The following DRC11 variants were observed in gnomAD, a reference collection of about 807,000 sequenced individuals.
DRC11 encodes IQ and AAA domain-containing protein 1.
the DRC11 span, among the ~76,000 whole-genome samples, chr2:236,486,490 A>T: frequency 2.6e-5 from 4 of 152,118 alleles, no homozygotes; most frequent in Non-Finnish European, 5.9e-5. The surrounding 1 kb of genome is among the most constrained non-coding windows in gnomAD (Gnocchi z 5.7). Context: ...GAAAAAAAAA[A>T]AAGCCAGCTG....
chr2:236,374,721 G>A, the DRC11 span, among the ~76,000 whole-genome samples: 11 of 151,918 alleles, frequency 7.2e-5, no homozygotes, highest in East Asian at 1.4e-3. Flanking sequence ...ATGGTGTTTC[G>A]CTCTTGTTGC....
At chr2:236,501,984 C>A in the DRC11 span, among the ~76,000 whole-genome samples, 1 of 152,078 alleles carries the variant, frequency 6.6e-6, no homozygotes, top group African/African-American at 2.4e-5. Context: ...CCAGCAAAAC[C>A]CCAGCTTGTT....
At chr2:236,350,508 C>T in the DRC11 span, among the ~76,000 whole-genome samples, 12 of 152,218 alleles carry the variant, frequency 7.9e-5, no homozygotes, top group South Asian at 2.1e-4. The surrounding 1 kb of genome is among the most constrained non-coding windows in gnomAD (Gnocchi z 5.2). Context: ...GCATCCTCAC[C>T]GGACACATGC....
the DRC11 span, among the ~76,000 whole-genome samples, chr2:236,426,646 A>G: frequency 1.7e-3 from 259 of 152,270 alleles, 12 homozygotes; most frequent in South Asian, 0.047. This position sits in a 1 kb window ranked among gnomAD's most constrained non-coding sequence, Gnocchi z 4.1. Flanking sequence ...TGCTAAAGTG[A>G]TCCTCCCACT....
At chr2:236,384,126 C>T in the DRC11 span, among the ~76,000 whole-genome samples, 4 of 151,172 alleles carry the variant, frequency 2.6e-5, no homozygotes, top group Middle Eastern at 3.5e-3. Context: ...AATAAACATA[C>T]GTGTGCATGT....
At chr2:236,472,910 G>C in the DRC11 span, among the ~76,000 whole-genome samples, 1 of 152,128 alleles carries the variant, frequency 6.6e-6, no homozygotes, top group Non-Finnish European at 1.5e-5. The surrounding 1 kb of genome is among the most constrained non-coding windows in gnomAD (Gnocchi z 4.6). Context: ...CTCAATGCAG[G>C]GGAGCAGGCC....
the DRC11 span, among the ~76,000 whole-genome samples, chr2:236,459,058 A>G: frequency 6.6e-6 from 1 of 152,172 alleles, no homozygotes; most frequent in Admixed American, 6.5e-5. Context: ...AAACAAAAAA[A>G]GGCAAATGAT....
chr2:236,393,937 A>G, the DRC11 span, among the ~76,000 whole-genome samples: 1 of 152,194 alleles, frequency 6.6e-6, no homozygotes, highest in Non-Finnish European at 1.5e-5. This position sits in a 1 kb window ranked among gnomAD's most constrained non-coding sequence, Gnocchi z 4.7. Flanking sequence ...CTGAGAAATG[A>G]AAATAACCCC....
the DRC11 span, among the ~76,000 whole-genome samples, chr2:236,342,310 GA>G: frequency 6.6e-6 from 1 of 152,206 alleles, no homozygotes; most frequent in African/African-American, 2.4e-5. This position sits in a 1 kb window ranked among gnomAD's most constrained non-coding sequence, Gnocchi z 5.8. Context: ...TGGGAGGAAG[GA>G]CTAGGCTCCC....
chr2:236,406,058 C>T, the DRC11 span, among the ~76,000 whole-genome samples: 5 of 152,108 alleles, frequency 3.3e-5, no homozygotes, highest in Admixed American at 6.5e-5. The surrounding 1 kb of genome is among the most constrained non-coding windows in gnomAD (Gnocchi z 4.7). Flanking sequence ...CGTAAGTTTC[C>T]GGCTACTGTG....
the DRC11 span, among the ~76,000 whole-genome samples, chr2:236,355,425 T>C: frequency 1.3e-5 from 2 of 152,254 alleles, no homozygotes; most frequent in South Asian, 2.1e-4. Flanking sequence ...CTGCAGCCTA[T>C]GTGCATGTCG....
the DRC11 span, among the ~76,000 whole-genome samples, chr2:236,502,680 G>T: frequency 0.036 from 5,493 of 151,662 alleles, 132 homozygotes; most frequent in Middle Eastern, 0.068. Flanking sequence ...GAATTCACAT[G>T]GTGGAAGCCA....
chr2:236,350,434 C>T, the DRC11 span, among the ~76,000 whole-genome samples: 1 of 152,358 alleles, frequency 6.6e-6, no homozygotes, highest in South Asian at 2.1e-4. This position sits in a 1 kb window ranked among gnomAD's most constrained non-coding sequence, Gnocchi z 5.2. Context: ...AGAGTGTTCT[C>T]AGATGAGGAT....
At chr2:236,444,866 T>C in the DRC11 span, among the ~76,000 whole-genome samples, 60 of 152,354 alleles carry the variant, frequency 3.9e-4, 2 homozygotes, top group South Asian at 0.012. Context: ...CATTCAAAGA[T>C]GGCAGAGGTT....
the DRC11 span, chr2:236,503,620 T>G: frequency 6.5e-7 from 1 of 1,549,438 alleles, no homozygotes; most frequent in Non-Finnish European, 8.7e-7. The surrounding 1 kb of genome is among the most constrained non-coding windows in gnomAD (Gnocchi z 4.9). Flanking sequence ...CACGGATCCC[T>G]GCATCATTAC....
At chr2:236,357,167 T>G in the DRC11 span, among the ~76,000 whole-genome samples, 289 of 107,744 alleles carry the variant, frequency 2.7e-3, 6 homozygotes, top group African/African-American at 0.012. Context: ...TTCATATATA[T>G]CTATATATTA....
the DRC11 span, among the ~76,000 whole-genome samples, chr2:236,450,314 C>CTTTTTTTTT: frequency 1.6e-3 from 135 of 82,364 alleles, no homozygotes; most frequent in Middle Eastern, 0.013. Flanking sequence ...CTTTTCTTTT[C>CTTTTTTTTT]TTTTTTTTTT....
At chr2:236,450,014 C>T in the DRC11 span, among the ~76,000 whole-genome samples, 1 of 152,132 alleles carries the variant, frequency 6.6e-6, no homozygotes, top group Admixed American at 6.5e-5. Context: ...AGCTTGGAGG[C>T]ATGCGACTGG....
the DRC11 span, among the ~76,000 whole-genome samples, chr2:236,403,443 G>A: frequency 3.2e-4 from 49 of 151,984 alleles, no homozygotes; most frequent in East Asian, 3.9e-3. Context: ...TTATGAGCAG[G>A]GCAGCTACCC....
Sources: gnomAD v4.1 joint callset for allele counts (sites outside exome capture counted in the v4.1 genomes callset) on GRCh38, gnomAD v4.1.1 for gene constraint, Gnocchi (gnomAD v3.1) non-coding constraint, MANE v1.5 for transcripts, NCBI Gene and HGNC (gene_info 2026-07-23, HGNC 2026-07-21) for gene names.